Variants in ADAMTSL1 observed in about 807,000 individuals in gnomAD.
The protein encoded by ADAMTSL1 is ADAMTS-like protein 1.
A neutral mutation model predicts 201.8 loss-of-function variants in ADAMTSL1; 126 were observed. The ratio of observed to expected loss-of-function variants is 0.62; its 90% CI spans 0.54 to 0.72. The LOEUF is 0.72. ADAMTSL1 is among the 30% of genes least tolerant of loss of function. The pLI is 0.00. For missense variants in ADAMTSL1, 2,679 were observed against 2,277.8 expected (o/e 1.18, Z -3.59); for synonymous variants, 1,121 against 903.4 (o/e 1.24, Z -4.32).
chr9:18,467,080 C>A (rs566156030), intron 2 of ADAMTSL1, among the ~76,000 whole-genome samples: 84 of 152,182 alleles, frequency 5.5e-4, no homozygotes, highest in African/African-American at 1.9e-3. Flanking sequence ...ATGGCAGTTA[C>A]GTAAAGGGTG....
chr9:18,184,201 C>G (rs1005564222), intron 2 of ADAMTSL1, among the ~76,000 whole-genome samples: 1 of 152,144 alleles, frequency 6.6e-6, no homozygotes, highest in Admixed American at 6.6e-5. Flanking sequence ...AGTGTAAAGT[C>G]TGATAGCAAT....
Position 18,223,933 on chromosome 9 carries a change from T to C in ADAMTSL1, c.207+59952T>C, listed in dbSNP as rs556355637. Among the ~76,000 whole-genome samples the C allele has an allele frequency of 3.9e-5, 6 of 152,288 alleles. No homozygotes were observed. In the East Asian group the frequency reaches 7.7e-4, roughly 20 times the overall value. ...TTCCTCTGGTAGGCATTTGGGATCA[T>C]TGCTAATCTAGGACTCTTTTATATT... On this transcript the variant is annotated intron_variant, in intron 2 of 29. Coordinates refer to the ADAMTSL1 transcript ENST00000680146.
chr9:18,675,977 A>G (rs1260828068), intron 10 of ADAMTSL1, 70 bp downstream of exon 10: 1 of 1,316,244 alleles, frequency 7.6e-7, no homozygotes, highest in Non-Finnish European at 1.1e-6. Flanking sequence ...ATATATATAG[A>G]GATATACATA....
At chr9:17,997,425 T>C (rs1301676890) in intron 1 of ADAMTSL1, among the ~76,000 whole-genome samples, 1 of 152,076 alleles carries the variant, frequency 6.6e-6, no homozygotes, top group African/African-American at 2.4e-5. Context: ...ACATGTATCA[T>C]ATTAGAAATG....
chr9:18,086,986 ACT>A (rs1265394851), intron 1 of ADAMTSL1, among the ~76,000 whole-genome samples: 2 of 152,120 alleles, frequency 1.3e-5, no homozygotes, highest in Non-Finnish European at 2.9e-5. Context: ...CTATTATATA[ACT>A]CTGTAATCAA....
chr9:18,535,753 A>G (rs1305218885), intron 3 of ADAMTSL1, among the ~76,000 whole-genome samples: 1 of 152,202 alleles, frequency 6.6e-6, no homozygotes, highest in Non-Finnish European at 1.5e-5. Context: ...CACAGATGTC[A>G]GGAGAAAGAA....
chr9:18,111,577 T>C (rs887028384), intron 1 of ADAMTSL1, among the ~76,000 whole-genome samples: 6 of 152,182 alleles, frequency 3.9e-5, no homozygotes, highest in South Asian at 2.1e-4. Context: ...CAATAAATAT[T>C]TACCTCTAAA....
chr9:18,261,755 C>A (rs745437511), intron 2 of ADAMTSL1, among the ~76,000 whole-genome samples: 9 of 152,154 alleles, frequency 5.9e-5, no homozygotes, highest in Non-Finnish European at 1.0e-4. Context: ...CTTGTATTTA[C>A]TAAAAGCAAG....
At chr9:18,329,171 C>T (rs372870749) in intron 2 of ADAMTSL1, among the ~76,000 whole-genome samples, 10 of 152,056 alleles carry the variant, frequency 6.6e-5, no homozygotes, top group Middle Eastern at 3.4e-3. Context: ...CCCTTCTACC[C>T]GTGAGGACAC....
chr9:17,916,789 T>C (rs1187570561), intron 1 of ADAMTSL1, among the ~76,000 whole-genome samples: 4 of 152,180 alleles, frequency 2.6e-5, no homozygotes, highest in Admixed American at 2.0e-4. Flanking sequence ...CCTGTATGAA[T>C]TTTAGAATCA....
intron 7 of ADAMTSL1, among the ~76,000 whole-genome samples, chr9:18,647,637 G>A (rs1004340204): frequency 6.0e-4 from 91 of 151,244 alleles, no homozygotes; most frequent in African/African-American, 2.1e-3. Context: ...CCTTCATTTC[G>A]TTATGTACCC....
At position 18,208,929 on chromosome 9, in the gene ADAMTSL1, A is replaced by T. The variant is rs184502190; in HGVS notation, c.207+44948A>T. ...TCATCTATGAAATAGACATCATTGAACCTTGATTTTCTTATCTACAAAATG... is the reference window on the plus strand; with the variant it reads ...TCATCTATGAAATAGACATCATTGATCCTTGATTTTCTTATCTACAAAATG... On this transcript the variant is annotated intron_variant, in intron 2 of 29. Transcript: ENST00000680146. 1.9e-4 allele frequency among the ~76,000 whole-genome samples: 29 copies of T among 151,216 alleles called. No individual in the cohort carries two copies. In the East Asian group the frequency reaches 5.6e-3, roughly 29 times the overall value.
At chr9:18,607,305 ACT>A (rs1825083986) in intron 4 of ADAMTSL1, among the ~76,000 whole-genome samples, 1 of 152,140 alleles carries the variant, frequency 6.6e-6, no homozygotes, top group Non-Finnish European at 1.5e-5. Context: ...CTAGGTCAAC[ACT>A]CTGCCAAGAA....
chr9:18,089,876 A>C (rs1430112193), intron 1 of ADAMTSL1, among the ~76,000 whole-genome samples: 1 of 152,204 alleles, frequency 6.6e-6, no homozygotes, highest in African/African-American at 2.4e-5. Context: ...GGTGCACTTA[A>C]AAATCTGTTA....
chr9:18,208,334 A>G (rs1016442004), intron 2 of ADAMTSL1, among the ~76,000 whole-genome samples: 1 of 152,118 alleles, frequency 6.6e-6, no homozygotes, highest in East Asian at 1.9e-4. Context: ...AATAAACACA[A>G]GGGAACTTTC....
At chr9:18,227,317 A>G (rs1830467286) in intron 2 of ADAMTSL1, among the ~76,000 whole-genome samples, 1 of 151,974 alleles carries the variant, frequency 6.6e-6, no homozygotes, top group South Asian at 2.1e-4. Context: ...GAGAAATCAG[A>G]TACCCTACCC....
intron 1 of ADAMTSL1, among the ~76,000 whole-genome samples, chr9:18,086,524 G>C (rs556038410): frequency 6.6e-6 from 1 of 152,062 alleles, no homozygotes; most frequent in Admixed American, 6.6e-5. Context: ...TGAATTCCAT[G>C]ACTATGATAA....
chr9:17,947,214 A>C (rs1827526279), intron 1 of ADAMTSL1, among the ~76,000 whole-genome samples: 1 of 151,284 alleles, frequency 6.6e-6, no homozygotes, highest in Non-Finnish European at 1.5e-5. Flanking sequence ...AATTAAAAAC[A>C]CAGTCTGTTA....
chr9:18,253,047 G>A (rs1168460206), intron 2 of ADAMTSL1, among the ~76,000 whole-genome samples: 6 of 152,156 alleles, frequency 3.9e-5, no homozygotes, highest in Non-Finnish European at 7.4e-5. Context: ...ATACTGTGCC[G>A]CTATTTGAAA....
Sources: gnomAD v4.1 joint callset for allele counts (sites outside exome capture counted in the v4.1 genomes callset) on GRCh38, gnomAD v4.1.1 for gene constraint, MANE v1.5 for transcripts, NCBI Gene and HGNC (gene_info 2026-07-23, HGNC 2026-07-21) for gene names.